NECTIN3: variants seen among roughly 807,000 people sequenced by gnomAD.
NECTIN3 encodes nectin-3.
NECTIN3 carries 8 observed loss-of-function variants against 49.4 expected under a neutral mutation model. The observed-to-expected ratio is 0.16, with a 90% CI of 0.10 to 0.29. NECTIN3 has a LOEUF of 0.29. NECTIN3 is among the 10% of genes least tolerant of loss of function. The pLI is 1.00. For missense variants in NECTIN3, 581 were observed against 654.6 expected (o/e 0.89, Z 1.23); for synonymous variants, 277 against 241.1 (o/e 1.15, Z -1.38).
In NECTIN3 at chr3:111,072,113, GCCC is replaced by G. The variant is rs1317642702; in HGVS notation, c.99_101del (p.Pro34del). 1 of 1,549,480 alleles carries G rather than the reference GCCC, an allele frequency of 6.5e-7. No individual in the cohort carries two copies. The highest frequency in any genetic ancestry group is 1.2e-5 in the South Asian group (1 of 83,790). On this transcript the variant is annotated inframe_deletion, in exon 1 of 6. Transcript: ENST00000485303. ...TCCTCGGAGCCGGGCTCCTGCTGCA[GCCC>G]CCGACGCCACCTCCGCTGCTGCTGC...
At chr3:111,117,834 A>G (rs909933557) in intron 2 of NECTIN3, among the ~76,000 whole-genome samples, 2 of 152,072 alleles carry the variant, frequency 1.3e-5, no homozygotes, top group Admixed American at 1.3e-4. Flanking sequence ...AAAGATAGCT[A>G]AGAGATATTG....
chr3:111,144,152 A>G (rs1276581417), intron 5 of NECTIN3, among the ~76,000 whole-genome samples: 1 of 152,016 alleles, frequency 6.6e-6, no homozygotes, highest in Non-Finnish European at 1.5e-5. Flanking sequence ...AATTTTTTGG[A>G]AAAATGTGAA....
At chr3:111,157,222 G>A (rs1317497823) in intron 7 of NECTIN3, among the ~76,000 whole-genome samples, 2 of 152,004 alleles carry the variant, frequency 1.3e-5, no homozygotes, top group Non-Finnish European at 2.9e-5. Flanking sequence ...AACGCATTAG[G>A]CCTGTTAAAA....
Position 111,149,459 on chromosome 3 carries a change from A to ATGTGTGTGTG in NECTIN3, c.1221+2015_1221+2024dup, listed in dbSNP as rs56219611. On this transcript the variant is annotated intron_variant, in intron 7 of 8. Coordinates refer to the NECTIN3 transcript ENST00000493615. ...CCAGATAAGCCTCTATTCTGGTAGG[A>ATGTGTGTGTG]TGTGTGTGTGTGTGTGTGTGTGTGT... 3.9e-3 allele frequency among the ~76,000 whole-genome samples: 499 copies of ATGTGTGTGTG among 128,382 alleles called. 4 individuals are homozygous for ATGTGTGTGTG. The highest frequency in any genetic ancestry group is 8.2e-3 in the African/African-American group (295 of 36,020). The allele number at this position is 128,382 out of a possible 152,430, so 84.2% of individuals were successfully genotyped here.
intron 2 of NECTIN3, among the ~76,000 whole-genome samples, chr3:111,112,771 CTCA>C (rs1338465510): frequency 1.3e-5 from 2 of 151,920 alleles, no homozygotes; most frequent in Non-Finnish European, 2.9e-5. Flanking sequence ...CCATTGACAC[CTCA>C]TGTTTTACTA....
rs1041369015 is a variant in NECTIN3 at position 111,084,090 on chromosome 3, A to T, written c.160+11913A>T. Among the ~76,000 whole-genome samples, 7 of 152,104 alleles carry T rather than the reference A, an allele frequency of 4.6e-5. No homozygotes were observed. In the East Asian group the frequency reaches 1.2e-3, roughly 25 times the overall value. On this transcript the variant is annotated intron_variant, in intron 1 of 5. Coordinates refer to ENST00000485303, the MANE Select transcript of NECTIN3 (RefSeq NM_015480.3). Reference sequence around the variant, plus strand: ...ATAAGTGGAAACATTAAAAACACAGATGAGAGATGCTAGTATTAGAAATGG... The same window carrying T: ...ATAAGTGGAAACATTAAAAACACAGTTGAGAGATGCTAGTATTAGAAATGG...
chr3:111,074,278 A>G, intron 1 of NECTIN3: 1 of 456,338 alleles, frequency 2.2e-6, no homozygotes, highest in South Asian at 1.6e-5. Context: ...CAAGTTGTTG[A>G]TTTAACTACT....
intron 3 of NECTIN3, among the ~76,000 whole-genome samples, chr3:111,121,510 A>G (rs1359311879): frequency 6.6e-6 from 1 of 152,194 alleles, no homozygotes; most frequent in Non-Finnish European, 1.5e-5. Context: ...GGAATGGATG[A>G]AAATTCATGT....
chr3:111,102,267 A>G (rs2032946600), intron 1 of NECTIN3, among the ~76,000 whole-genome samples: 1 of 152,172 alleles, frequency 6.6e-6, no homozygotes, highest in Non-Finnish European at 1.5e-5. Flanking sequence ...AATCCCAGAG[A>G]AATTAACTTT....
In NECTIN3 at chr3:111,111,983, C is replaced by T. The variant is rs756922562; in HGVS notation, c.161-47C>T. 59 of 1,362,102 alleles carry T rather than the reference C, an allele frequency of 4.3e-5. 1 individual carries two copies. In the South Asian group the frequency reaches 8.1e-4, roughly 19 times the overall value. 84.4% of individuals were successfully genotyped at this position (1,362,102 alleles called of 1,614,324 possible). A position where few individuals can be genotyped will look rare whatever the true frequency, so the allele number is the denominator to read the frequency against. On this transcript the variant is annotated intron_variant, in intron 1 of 5. Transcript: ENST00000485303. ...GTCAGGAAGGGAGGAGAGTGTTGAC[C>T]ACTTTTTTCTATTTTAAAAATTGTA... is the stretch of plus-strand genomic sequence containing the variant.
intron 2 of NECTIN3, among the ~76,000 whole-genome samples, chr3:111,114,421 T>C (rs1254218524): frequency 1.3e-5 from 2 of 152,156 alleles, no homozygotes; most frequent in South Asian, 2.1e-4. Context: ...GTTGAACATA[T>C]CTTTATTGTA....
At chr3:111,120,809 C>T (rs1222004459) in intron 3 of NECTIN3, among the ~76,000 whole-genome samples, 2 of 151,996 alleles carry the variant, frequency 1.3e-5, no homozygotes, top group Non-Finnish European at 2.9e-5. Flanking sequence ...ACCTCCAGCC[C>T]CATGCCCAAC....
intron 6 of NECTIN3, chr3:111,147,317 C>T: frequency 9.3e-7 from 1 of 1,076,792 alleles, no homozygotes; most frequent in East Asian, 2.6e-5. Context: ...AAAATATTCT[C>T]AAAACTTATG....
chr3:111,189,092 G>T (rs1365924904), upstream of NECTIN3, among the ~76,000 whole-genome samples: 1 of 152,064 alleles, frequency 6.6e-6, no homozygotes, highest in African/African-American at 2.4e-5. Flanking sequence ...CTACTGTTAA[G>T]GAATGGAAAC....
At chr3:111,080,411 A>G (rs1342429054) in intron 1 of NECTIN3, among the ~76,000 whole-genome samples, 2 of 152,134 alleles carry the variant, frequency 1.3e-5, no homozygotes, top group African/African-American at 4.8e-5. Context: ...TTTTCCTTCA[A>G]AAGCTTTAAT....
chr3:111,117,099 T>A (rs1306149423), intron 2 of NECTIN3, among the ~76,000 whole-genome samples: 2 of 152,040 alleles, frequency 1.3e-5, no homozygotes, highest in African/African-American at 4.8e-5. Context: ...AAACTAATAA[T>A]ATATACAATT....
At chr3:111,183,352 C>G (rs987915888) in intron 7 of NECTIN3, among the ~76,000 whole-genome samples, 2 of 150,614 alleles carry the variant, frequency 1.3e-5, no homozygotes, top group Non-Finnish European at 2.9e-5. Flanking sequence ...ATTCTTGTTG[C>G]CCAGGCTGGA....
At chr3:111,101,380 G>T (rs1036219170) in intron 1 of NECTIN3, among the ~76,000 whole-genome samples, 3 of 152,042 alleles carry the variant, frequency 2.0e-5, no homozygotes, top group Non-Finnish European at 4.4e-5. Flanking sequence ...TGATACAGTA[G>T]GATTAACTTT....
At chr3:111,089,202 T>C (rs1017435208) in intron 1 of NECTIN3, among the ~76,000 whole-genome samples, 1 of 152,090 alleles carries the variant, frequency 6.6e-6, no homozygotes, top group Admixed American at 6.5e-5. Context: ...GATCAGTCTT[T>C]CCAAGAGATT....
Sources: allele counts gnomAD v4.1 joint callset (sites outside exome capture counted in the v4.1 genomes callset), GRCh38; gene constraint gnomAD v4.1.1; transcripts MANE v1.5; gene names NCBI Gene and HGNC (gene_info 2026-07-23, HGNC 2026-07-21).